Variants in LRRC37A3 observed in about 807,000 individuals in gnomAD.
LRRC37A3 encodes leucine-rich repeat-containing protein 37A3.
In LRRC37A3, 25 loss-of-function variants were observed where a neutral mutation model predicts 106.2. The ratio of observed to expected loss-of-function variants is 0.24; its 90% confidence interval spans 0.17 to 0.33. LRRC37A3 has a LOEUF of 0.33. Ranked by LOEUF, LRRC37A3 falls within the 10% of genes least tolerant of loss-of-function variation. The probability of loss-of-function intolerance (pLI) is 1.00; values close to 1 mark genes in which losing one functional copy is unlikely to be tolerated. For synonymous variants in LRRC37A3, 305 were observed against 635.8 expected (o/e 0.48, Z 7.83); for missense variants, 712 against 1,644.9 (o/e 0.43, Z 9.81).
chr17:64,859,355 G>A (rs1389933925), intron 12 of LRRC37A3, 87 bp downstream of exon 12: 1 of 1,387,386 alleles, frequency 7.2e-7, no homozygotes, highest in South Asian at 1.2e-5. Flanking sequence ...TATGGCCTGG[G>A]AGTCCCAGAT....
At chr17:64,854,859 C>T (rs1972621397) in intron 14 of LRRC37A3, among the ~76,000 whole-genome samples, 1 of 152,138 alleles carries the variant, frequency 6.6e-6, no homozygotes, top group Non-Finnish European at 1.5e-5. Context: ...ATCTTTAAGC[C>T]AGATAGTTTG....
At chr17:64,876,858 C>T (rs1973530297) in intron 8 of LRRC37A3, 1 of 152,108 alleles carries the variant, frequency 6.6e-6, no homozygotes, top group East Asian at 1.9e-4. Flanking sequence ...GAGGAAAGAA[C>T]ATTTCCTAAC....
intron 13 of LRRC37A3, 135 bp downstream of exon 13, chr17:64,858,644 A>G (rs544817354): frequency 9.8e-6 from 7 of 716,740 alleles, no homozygotes; most frequent in South Asian, 9.1e-5. Flanking sequence ...CAAAGCATAC[A>G]CCTCAGCCTT....
chr17:64,877,620 TC>T (rs1032863894), intron 8 of LRRC37A3, among the ~76,000 whole-genome samples: 1 of 152,210 alleles, frequency 6.6e-6, no homozygotes, highest in Admixed American at 6.5e-5. Context: ...ACAGTTCTTA[TC>T]AAAATCCCAG....
At chr17:64,887,440 G>A (rs867009797) in intron 6 of LRRC37A3, among the ~76,000 whole-genome samples, 2,149 of 40,808 alleles carry the variant, frequency 0.053, 560 homozygotes, top group African/African-American at 0.35. Context: ...CCCAGGAGGC[G>A]GACCTTGCAG....
At chr17:64,905,042 AAATTT>A (rs1974426055) in intron 2 of LRRC37A3, among the ~76,000 whole-genome samples, 1 of 150,346 alleles carries the variant, frequency 6.7e-6, no homozygotes, top group South Asian at 2.1e-4. Flanking sequence ...TTTATTAAAT[AAATTT>A]ATTAATTAAT....
At chr17:64,866,665 C>T (rs1354012433) in intron 10 of LRRC37A3, among the ~76,000 whole-genome samples, 2 of 95,052 alleles carry the variant, frequency 2.1e-5, no homozygotes, top group Admixed American at 3.2e-4. Flanking sequence ...GGGTCTTGCT[C>T]TGTCACCCAA....
At chr17:64,874,572 C>T (rs1304048930) in intron 8 of LRRC37A3, among the ~76,000 whole-genome samples, 3 of 152,330 alleles carry the variant, frequency 2.0e-5, no homozygotes, top group South Asian at 4.1e-4. Flanking sequence ...CCCCTCTGCC[C>T]GGCCGCCACC....
intron 8 of LRRC37A3, chr17:64,877,054 A>G (rs1598410399): frequency 6.6e-6 from 1 of 152,358 alleles, no homozygotes; most frequent in East Asian, 1.9e-4. Flanking sequence ...AAATTGATCT[A>G]TGGTTTCACT....
At chr17:64,858,965 T>C in intron 12 of LRRC37A3, 82 bp from the exon 13 acceptor site, 3 of 999,940 alleles carry the variant, frequency 3.0e-6, no homozygotes. Context: ...TTCTTTTTTA[T>C]TTTTTTGAAA....
chr17:64,911,111 T>C (rs535315488), intron 2 of LRRC37A3, among the ~76,000 whole-genome samples: 1 of 152,298 alleles, frequency 6.6e-6, no homozygotes, highest in Non-Finnish European at 1.5e-5. Context: ...GTCTCACCAG[T>C]GTTTTAACTT....
At position 64,859,671 on chromosome 17, in the gene LRRC37A3, C is replaced by A. The variant is rs1307591943; in HGVS notation, c.4475G>T (p.Arg1492Met). The change falls in exon 12 of 15, where the codon AGG becomes ATG. Residue 1492 changes from arginine to methionine, a missense_variant. Transcript: ENST00000584306. ...QSVIPNNNVR[R>M]LIAHVIRTLK... is the part of the protein sequence containing the mutation. ...GGTCCGGATAACATGAGCAATGAGC[C>A]TTCTCACATTGTTGTTGGGGATAAC... The A allele has an allele frequency of 6.2e-7, 1 of 1,613,558 alleles. No individual in the cohort carries two copies. Among genetic ancestry groups the A allele is most frequent in the Non-Finnish European group, 8.5e-7 (1 of 1,179,988 alleles).
At chr17:64,910,285 C>T (rs1423995162) in intron 2 of LRRC37A3, 2 of 152,210 alleles carry the variant, frequency 1.3e-5, no homozygotes, top group African/African-American at 2.4e-5. Context: ...GCTGTGCCTC[C>T]TGGCACTGTG....
intron 10 of LRRC37A3, chr17:64,863,251 T>C (rs983395215): frequency 3.8e-5 from 21 of 558,678 alleles, no homozygotes; most frequent in Non-Finnish European, 6.4e-5. Context: ...GGGATTAGAA[T>C]TGGGTGACAG....
Position 64,854,248 on chromosome 17 carries a change from C to G in LRRC37A3, c.*351G>C, listed in dbSNP as rs1174128635. 5 of 407,612 alleles carry G rather than the reference C, an allele frequency of 1.2e-5. No individual in the cohort carries two copies. The East Asian group carries it at 1.4e-4, about 12-fold the overall frequency. The allele number at this position is 407,612 out of a possible 1,614,324, so 25.2% of individuals were successfully genotyped here. On this transcript the variant is annotated 3_prime_UTR_variant, in exon 15 of 15. Coordinates refer to ENST00000584306, the MANE Select transcript of LRRC37A3 (RefSeq NM_199340.5). ...CTTGGGAAAAAGACAGGGCTTGGCC[C>G]CACAGTGCAGGTAGGCCCAGTGATC...
chr17:64,865,240 C>T (rs1298500161), intron 10 of LRRC37A3, among the ~76,000 whole-genome samples: 1 of 152,186 alleles, frequency 6.6e-6, no homozygotes, highest in Non-Finnish European at 1.5e-5. Context: ...GTCTCCTGTG[C>T]TCAAGTGATC....
intron 5 of LRRC37A3, among the ~76,000 whole-genome samples, chr17:64,890,557 C>T (rs1973923823): frequency 1.9e-5 from 2 of 105,168 alleles, no homozygotes; most frequent in East Asian, 2.6e-4. Flanking sequence ...TCTGGCCTGG[C>T]GTGGTGGCTC....
At chr17:64,915,779 TATA>T (rs1974689142) in intron 2 of LRRC37A3, among the ~76,000 whole-genome samples, 1 of 152,042 alleles carries the variant, frequency 6.6e-6, no homozygotes, top group Non-Finnish European at 1.5e-5. Context: ...ATATCCAAAA[TATA>T]TAAAGAATTC....
chr17:64,880,290 T>A (rs1973654423), intron 8 of LRRC37A3, among the ~76,000 whole-genome samples: 1 of 152,090 alleles, frequency 6.6e-6, no homozygotes, highest in Non-Finnish European at 1.5e-5. Context: ...TGCTTTTATT[T>A]ATTTATATTT....
Sources: gnomAD v4.1 joint callset for allele counts (sites outside exome capture counted in the v4.1 genomes callset) on GRCh38, gnomAD v4.1.1 for gene constraint, MANE v1.5 for transcripts, NCBI Gene and HGNC (gene_info 2026-07-23, HGNC 2026-07-21) for gene names.